The following MKRN2 variants were observed in gnomAD, a reference collection of about 807,000 sequenced individuals.
MKRN2 encodes makorin ring finger protein 2.
In MKRN2, 32 loss-of-function variants were observed where a neutral mutation model predicts 45.4. The ratio of observed to expected loss-of-function variants is 0.70; its 90% CI spans 0.53 to 0.95. The LOEUF (loss-of-function observed/expected upper bound fraction) is 0.95. Among genes scored for constraint, MKRN2 ranks in the 40% least tolerant of loss-of-function variants. The pLI is 0.00. For synonymous variants in MKRN2, 206 were observed against 192.4 expected, an observed-to-expected ratio of 1.07 and a Z score of -0.59; for missense variants, 526 against 536.7, an observed-to-expected ratio of 0.98 and a Z score of 0.20.
At chr3:12,574,027 C>G (rs1271842419) in intron 4 of MKRN2, among the ~76,000 whole-genome samples, 1 of 152,188 alleles carries the variant, frequency 6.6e-6, no homozygotes, top group Non-Finnish European at 1.5e-5. Flanking sequence ...GTGTGAGCCA[C>G]TGCACCTGGC....
chr3:12,582,157 A>G lies in MKRN2; in HGVS notation c.1155A>G (p.Arg385=), dbSNP rs370115628. The change falls in exon 8 of 8, where the codon CGA becomes CGG. Residue 385 remains arginine, a synonymous_variant. Transcript: ENST00000170447. The part of the protein sequence containing the change: ...SVRLWDFIEN[R]ESRHVPNNED... ...GGCTCTGGGATTTCATCGAGAACCG[A>G]GAAAGCCGGCATGTCCCCAACAATG... 37 of 1,614,074 alleles carry G rather than the reference A, an allele frequency of 2.3e-5. No homozygotes were observed. The highest frequency in any genetic ancestry group is 1.2e-4 in the Admixed American group (7 of 60,008).
intron 2 of MKRN2, 109 bp downstream of exon 2, chr3:12,569,112 G>A: frequency 3.8e-6 from 5 of 1,326,370 alleles, no homozygotes; most frequent in Non-Finnish European, 5.0e-6. Flanking sequence ...ATCACAAAAA[G>A]TATGGCAAAT....
At chr3:12,575,605 A>G (rs1241696205) in intron 5 of MKRN2, among the ~76,000 whole-genome samples, 2 of 152,134 alleles carry the variant, frequency 1.3e-5, no homozygotes. Context: ...CCTCAGTTAC[A>G]GATTAGGAAA....
intron 5 of MKRN2, among the ~76,000 whole-genome samples, chr3:12,575,634 G>A (rs918475546): frequency 3.3e-5 from 5 of 152,164 alleles, no homozygotes; most frequent in South Asian, 4.1e-4. Flanking sequence ...GGGTGCGGGG[G>A]TCAAGTAATT....
intron 4 of MKRN2, 147 bp from the exon 5 acceptor site, chr3:12,574,645 G>T (rs537201923): frequency 1.8e-5 from 13 of 725,604 alleles, no homozygotes; most frequent in Middle Eastern, 4.0e-4. Context: ...GTCCTGACTT[G>T]GGGGAGCCTG....
intron 6 of MKRN2, among the ~76,000 whole-genome samples, chr3:12,578,819 A>G (rs529403713): frequency 6.7e-6 from 1 of 148,456 alleles, no homozygotes; most frequent in African/African-American, 2.5e-5. Flanking sequence ...ACCTTTTTTA[A>G]TGGTTCCTTT....
intron 6 of MKRN2, among the ~76,000 whole-genome samples, chr3:12,577,658 T>C (rs2058150143): frequency 1.4e-5 from 2 of 142,900 alleles, no homozygotes; most frequent in Non-Finnish European, 3.0e-5. Flanking sequence ...GATTCTGTTA[T>C]GGTTTATCTG....
intron 1 of MKRN2, among the ~76,000 whole-genome samples, chr3:12,563,924 ATGTT>A (rs912086559): frequency 1.1e-4 from 17 of 150,114 alleles, no homozygotes; most frequent in Admixed American, 9.4e-4. Flanking sequence ...GGGTGTGCAA[ATGTT>A]TGTTTGAGTC....
Position 12,568,980 on chromosome 3 carries a change from C to G in MKRN2, c.132C>G (p.Tyr44Ter). The change falls in exon 2 of 8, where the codon TAC becomes TAG. Residue 44 changes from tyrosine to a stop codon, truncating the protein, a stop_gained. Transcript: ENST00000170447. LOFTEE classifies it high-confidence loss of function. ...TCTGCAAGTACTACCAGAAGGGCTACTGTGCCTATGGAACTCGGTGCAGGC... is the reference window on the plus strand; with the variant it reads ...TCTGCAAGTACTACCAGAAGGGCTAGTGTGCCTATGGAACTCGGTGCAGGC... ...STICKYYQKG[Y>*]CAYGTRCRYD... The G allele has an allele frequency of 1.2e-6, 2 of 1,614,148 alleles. No homozygotes were observed. The highest frequency in any genetic ancestry group is 1.7e-6 in the Non-Finnish European group (2 of 1,180,024).
chr3:12,579,833 G>C lies in MKRN2; in HGVS notation c.969-1975G>C, dbSNP rs116083267. ...GAACAGGTTGGGGCCAGGCGCAGTG[G>C]CTTATGCCTGTAATCCCAGCACTTT... On this transcript the variant is annotated intron_variant, in intron 6 of 7. Coordinates refer to ENST00000170447, the MANE Select transcript of MKRN2 (RefSeq NM_014160.5). 3.2e-3 allele frequency among the ~76,000 whole-genome samples: 491 copies of C among 152,304 alleles called. 3 individuals are homozygous for C. Among genetic ancestry groups the C allele is most frequent in the African/African-American group, 0.011 (459 of 41,582 alleles).
intron 1 of MKRN2, among the ~76,000 whole-genome samples, chr3:12,566,702 A>G (rs1432239257): frequency 2.0e-5 from 3 of 152,222 alleles, no homozygotes; most frequent in Non-Finnish European, 4.4e-5. Flanking sequence ...TCCAGGGTTC[A>G]GGTGATTCTC....
rs1462909584 is a variant in MKRN2, at chr3:12,574,971, G to A, written c.822G>A (p.Trp274Ter). ...HTYCLSCIRQWRCAKQFENPI... is the reference protein window; with the variant it reads ...HTYCLSCIRQ ...ACTGTTTGTCCTGCATCCGGCAGTG[G>A]CGGTGTGCCAAACAGTTTGAAAACC... Residue 274 changes from tryptophan to a stop codon, truncating the protein, a stop_gained, in exon 5 of 8, where the codon TGG (tryptophan) becomes TGA (stop). Coordinates refer to ENST00000170447, the MANE Select transcript of MKRN2 (RefSeq NM_014160.5). LOFTEE classifies it high-confidence loss of function. The A allele has an allele frequency of 1.9e-6, 3 of 1,614,132 alleles. No homozygotes were observed. The highest frequency in any genetic ancestry group is 2.5e-6 in the Non-Finnish European group (3 of 1,180,056).
rs748561804 is a variant in MKRN2 at position 12,568,947 on chromosome 3, G to A, written c.99G>A (p.Pro33=). The change falls in exon 2 of 8, where the codon CCG becomes CCA. Residue 33 remains proline (P), a synonymous_variant. Transcript: ENST00000170447. The part of the protein sequence containing the change: ...LFSHDLANSK[P]STICKYYQKG... ...CACATGACTTGGCAAACAGCAAACC[G>A]TCCACCATCTGCAAGTACTACCAGA... 17 of 1,614,008 alleles carry A rather than the reference G, an allele frequency of 1.1e-5. No individual in the cohort carries two copies. The highest frequency in any genetic ancestry group is 3.3e-5 in the South Asian group (3 of 91,084).
chr3:12,575,213 T>C (rs2058124856), intron 5 of MKRN2, among the ~76,000 whole-genome samples: 1 of 152,156 alleles, frequency 6.6e-6, no homozygotes, highest in African/African-American at 2.4e-5. Context: ...CTACCAAGCT[T>C]TCTGGGTGTT....
At chr3:12,579,784 T>A (rs1294276649) in intron 6 of MKRN2, among the ~76,000 whole-genome samples, 1 of 152,086 alleles carries the variant, frequency 6.6e-6, no homozygotes, top group Admixed American at 6.5e-5. Context: ...GACACTTGAA[T>A]CCCAGTGTGA....
chr3:12,573,908 T>A lies in MKRN2; in HGVS notation c.643-884T>A, dbSNP rs531167868. Among the ~76,000 whole-genome samples the A allele has an allele frequency of 3.2e-4, 49 of 150,844 alleles. 1 individual carries two copies. Among genetic ancestry groups the A allele is most frequent in the Admixed American group, 6.6e-4 (10 of 15,108 alleles). On this transcript the variant is annotated intron_variant, in intron 4 of 7. Coordinates refer to ENST00000170447, the MANE Select transcript of MKRN2 (RefSeq NM_014160.5). The stretch of plus-strand genomic sequence containing the variant: ...ACTCTGTCTCAAAAAAAAAAAAAAA[T>A]TATTTTATTTTTCAGAGGTGAGGTC...
Position 12,572,051 on chromosome 3 carries a change from G to A in MKRN2, c.338-18G>A, listed in dbSNP as rs1402696520. 4 of 1,575,196 alleles carry A rather than the reference G, an allele frequency of 2.5e-6. No individual in the cohort carries two copies. Among genetic ancestry groups the A allele is most frequent in the Middle Eastern group, 3.7e-4 (2 of 5,456 alleles). On this transcript the variant is annotated intron_variant, in intron 3 of 7. Coordinates refer to ENST00000170447, the MANE Select transcript of MKRN2 (RefSeq NM_014160.5). ...TGGGGCCATTTTCATGTGCATGTGT[G>A]CTGTGTGTTGTTTTCAGATCTCTCT...
Position 12,582,074 on chromosome 3 carries a change from C to G in MKRN2, c.1114-42C>G, listed in dbSNP as rs767124093. ...ATCAAGGAACGCAGCCTTCCTGTTGCTCTTAGCAGTAACCAGGCATGTCCA... is the reference window on the plus strand; with the variant it reads ...ATCAAGGAACGCAGCCTTCCTGTTGGTCTTAGCAGTAACCAGGCATGTCCA... On this transcript the variant is annotated intron_variant, in intron 7 of 7. Transcript: ENST00000170447. 8 of 1,613,670 alleles carry G rather than the reference C, an allele frequency of 5.0e-6. No homozygotes were observed. The Admixed American group carries it at 1.3e-4, about 27-fold the overall frequency.
At chr3:12,557,303 G>A (rs1357502851) in intron 1 of MKRN2, 127 bp downstream of exon 1, 1 of 1,294,172 alleles carries the variant, frequency 7.7e-7, no homozygotes, top group Admixed American at 2.9e-5. Context: ...GGCTGTTCGC[G>A]GCGGGGCTTT....
Sources: allele counts gnomAD v4.1 joint callset (sites outside exome capture counted in the v4.1 genomes callset), GRCh38; gene constraint gnomAD v4.1.1; transcripts MANE v1.5; gene names NCBI Gene and HGNC (gene_info 2026-07-23, HGNC 2026-07-21).